The following LMO7 variants were observed in gnomAD, a reference collection of about 807,000 sequenced individuals.
The protein encoded by LMO7 is LIM domain only protein 7.
A neutral mutation model predicts 206.5 loss-of-function variants in LMO7; 120 were observed. The observed-to-expected ratio is 0.58, with a 90% CI of 0.50 to 0.68. LMO7 has a LOEUF of 0.68. LMO7 is among the 30% of genes least tolerant of loss of function. The pLI, the probability that LMO7 is intolerant of heterozygous loss-of-function variation, is 0.00. For missense variants in LMO7, 1,959 were observed against 1,957.9 expected, an observed-to-expected ratio of 1.00 and a Z score of -0.01; for synonymous variants, 706 against 681.5, an observed-to-expected ratio of 1.04 and a Z score of -0.56.
chr13:75,851,075 T>G (rs769896524), intron 27 of LMO7, among the ~76,000 whole-genome samples: 2 of 152,208 alleles, frequency 1.3e-5, no homozygotes, highest in Non-Finnish European at 2.9e-5. Context: ...CTTATCAAGC[T>G]GCCATGTGCA....
At chr13:75,833,852 T>C (rs1401102594) in intron 16 of LMO7, among the ~76,000 whole-genome samples, 1 of 152,210 alleles carries the variant, frequency 6.6e-6, no homozygotes, top group African/African-American at 2.4e-5. Context: ...TAAATAGCTG[T>C]GTTTTCTTCT....
intron 3 of LMO7, 91 bp downstream of exon 3, chr13:75,727,189 A>G: frequency 2.7e-6 from 2 of 729,214 alleles, no homozygotes; most frequent in Non-Finnish European, 4.7e-6. Flanking sequence ...TGCAATTACC[A>G]CTGAAATTAG....
chr13:75,752,808 C>T (rs1294591167), intron 3 of LMO7, among the ~76,000 whole-genome samples: 1 of 152,118 alleles, frequency 6.6e-6, no homozygotes, highest in African/African-American at 2.4e-5. Flanking sequence ...GGATGTATAC[C>T]ACATTTTATT....
chr13:75,775,515 A>G (rs1041554080), intron 4 of LMO7, among the ~76,000 whole-genome samples: 2 of 152,114 alleles, frequency 1.3e-5, no homozygotes, highest in African/African-American at 2.4e-5. Flanking sequence ...ATAAATAAAA[A>G]TAATAGAGTA....
chr13:75,657,793 C>A (rs985235667), intron 1 of LMO7, among the ~76,000 whole-genome samples: 1 of 152,028 alleles, frequency 6.6e-6, no homozygotes, highest in African/African-American at 2.4e-5. Flanking sequence ...TTTAGATGTT[C>A]CAAATATCTT....
Position 75,789,248 on chromosome 13 carries a change from C to T in LMO7, c.318-6153C>T, listed in dbSNP as rs577990681. Among the ~76,000 whole-genome samples, 11 of 152,204 alleles carry T rather than the reference C, an allele frequency of 7.2e-5. No homozygotes were observed. In the South Asian group the frequency reaches 2.3e-3, roughly 32 times the overall value. On this transcript the variant is annotated intron_variant, in intron 4 of 30. Transcript: ENST00000377534. ...ATTCAGTCAGATAACTGTATTTGAT[C>T]TTAAACAAGATTGGCTTGGACAGGA...
At chr13:75,625,332 G>A (rs1310199123) in intron 2 of LMO7, among the ~76,000 whole-genome samples, 2 of 152,160 alleles carry the variant, frequency 1.3e-5, no homozygotes, top group African/African-American at 4.8e-5. Context: ...CTCCGCAGAA[G>A]TCAAATAGAG....
At chr13:75,840,034 T>C (rs1490995631) in intron 20 of LMO7, 51 bp from the exon 21 acceptor site, 2 of 1,558,250 alleles carry the variant, frequency 1.3e-6, no homozygotes, top group Non-Finnish European at 1.8e-6. Context: ...TTCATAGAAA[T>C]GAAGACTTAT....
At chr13:75,621,634 A>C in exon 1 of LMO7, 1 of 982,856 alleles carries the variant, frequency 1.0e-6, no homozygotes, top group Non-Finnish European at 1.4e-6. Context: ...GGGCAAGTGC[A>C]AATAAGTTCA....
At chr13:75,623,969 C>G (rs946851724) in intron 2 of LMO7, among the ~76,000 whole-genome samples, 2 of 152,088 alleles carry the variant, frequency 1.3e-5, no homozygotes, top group Non-Finnish European at 2.9e-5. Context: ...GGAGTTACAC[C>G]TCCTATAATT....
chr13:75,733,234 G>A (rs2045447988), intron 3 of LMO7, among the ~76,000 whole-genome samples: 1 of 152,252 alleles, frequency 6.6e-6, no homozygotes, highest in African/African-American at 2.4e-5. Context: ...CAGAGGTGGA[G>A]CCTACAGAGG....
chr13:75,717,955 G>A (rs74094501), intron 2 of LMO7, among the ~76,000 whole-genome samples: 3,401 of 152,272 alleles, frequency 0.022, 131 homozygotes, highest in African/African-American at 0.077. Flanking sequence ...AGTGAAAACT[G>A]TTTTTCTTCA....
chr13:75,835,170 C>G (rs1188684055), intron 17 of LMO7, 63 bp from the exon 18 acceptor site: 4 of 1,595,594 alleles, frequency 2.5e-6, no homozygotes, highest in Non-Finnish European at 3.4e-6. Flanking sequence ...AAAGACCAAC[C>G]TTCCCTGCCA....
chr13:75,661,500 C>A (rs1268120255), intron 1 of LMO7, among the ~76,000 whole-genome samples: 1 of 152,118 alleles, frequency 6.6e-6, no homozygotes. Context: ...AAGTAAGAAG[C>A]TGTTTCAATT....
intron 1 of LMO7, among the ~76,000 whole-genome samples, chr13:75,712,932 A>AG (rs201091239): frequency 0.063 from 9,521 of 149,956 alleles, 593 homozygotes; most frequent in African/African-American, 0.16. Flanking sequence ...TAAAATGATT[A>AG]TATTACTGAA....
intron 1 of LMO7, among the ~76,000 whole-genome samples, chr13:75,636,984 C>A (rs903056899): frequency 4.6e-5 from 7 of 152,096 alleles, no homozygotes; most frequent in African/African-American, 1.7e-4. Context: ...CAGAGGTGGG[C>A]GTTCGCCTGC....
At chr13:75,684,304 G>T (rs2040794847) in intron 1 of LMO7, among the ~76,000 whole-genome samples, 1 of 152,180 alleles carries the variant, frequency 6.6e-6, no homozygotes, top group Non-Finnish European at 1.5e-5. Flanking sequence ...TGCAATCTCT[G>T]CAATCTCTGC....
intron 11 of LMO7, among the ~76,000 whole-genome samples, chr13:75,810,833 G>A (rs144442206): frequency 2.4e-4 from 37 of 152,318 alleles, no homozygotes; most frequent in Non-Finnish European, 5.1e-4. Flanking sequence ...ATATGACTGA[G>A]TTAGAGAAGA....
At chr13:75,814,503 T>A (rs186740318) in intron 11 of LMO7, among the ~76,000 whole-genome samples, 14 of 152,282 alleles carry the variant, frequency 9.2e-5, no homozygotes, top group African/African-American at 3.4e-4. Flanking sequence ...AGCTTTGATA[T>A]GGATGAGCTG....
Sources: allele counts gnomAD v4.1 joint callset (sites outside exome capture counted in the v4.1 genomes callset), GRCh38; gene constraint gnomAD v4.1.1; transcripts MANE v1.5; gene names NCBI Gene and HGNC (gene_info 2026-07-23, HGNC 2026-07-21).